The following FGD5 variants were observed in gnomAD, a reference collection of about 807,000 sequenced individuals.
FGD5 encodes the protein FYVE, RhoGEF and PH domain containing 5.
FGD5 carries 28 observed loss-of-function variants against 133.4 expected under a neutral mutation model. The ratio of observed to expected loss-of-function variants is 0.21; its 90% confidence interval spans 0.16 to 0.29. The LOEUF is 0.29. FGD5 is among the 10% of genes least tolerant of loss of function. FGD5 has a pLI of 1.00. For synonymous variants in FGD5, 810 were observed against 776.5 expected, an observed-to-expected ratio of 1.04 and a Z score of -0.72; for missense variants, 1,858 against 1,895.2, an observed-to-expected ratio of 0.98 and a Z score of 0.36.
rs1186335621 is a variant in FGD5 at position 14,843,708 on chromosome 3, GGA to G, written c.2526-20417_2526-20416del. Among the ~76,000 whole-genome samples the G allele has an allele frequency of 5.9e-3, 722 of 122,580 alleles. 10 individuals are homozygous for G. Among genetic ancestry groups the G allele is most frequent in the African/African-American group, 0.021 (651 of 30,478 alleles). 80.4% of individuals were successfully genotyped at this position (122,580 alleles called of 152,430 possible). A position where few individuals can be genotyped will look rare whatever the true frequency, so the allele number is the denominator to read the frequency against. ...GTGCTTTTTTTTTTTTTTTTTGGGGGGAGACAGAGTCTCATTCTGTCGCCCAG... is the reference window on the plus strand; with the variant it reads ...GTGCTTTTTTTTTTTTTTTTTGGGGGGACAGAGTCTCATTCTGTCGCCCAG... On this transcript the variant is annotated intron_variant, in intron 1 of 19. Coordinates refer to ENST00000285046, the MANE Select transcript of FGD5 (RefSeq NM_152536.4).
intron 19 of FGD5, 38 bp downstream of exon 19, chr3:14,932,769 C>G: frequency 1.3e-6 from 2 of 1,595,012 alleles, no homozygotes; most frequent in Non-Finnish European, 1.7e-6. Context: ...GCTTTTTGTT[C>G]TCTCAGAAGG....
At chr3:14,884,621 T>G (rs1347187159) in intron 4 of FGD5, among the ~76,000 whole-genome samples, 2 of 152,324 alleles carry the variant, frequency 1.3e-5, no homozygotes, top group East Asian at 3.9e-4. Context: ...CATGCTGTTA[T>G]GCTCACAGAC....
At chr3:14,876,141 G>A (rs1012196379) in intron 2 of FGD5, among the ~76,000 whole-genome samples, 2 of 152,164 alleles carry the variant, frequency 1.3e-5, no homozygotes, top group African/African-American at 4.8e-5. Context: ...AGGATTGTGT[G>A]GACCCTGGGC....
chr3:14,847,795 A>G (rs1424868484), intron 1 of FGD5, among the ~76,000 whole-genome samples: 2 of 152,140 alleles, frequency 1.3e-5, no homozygotes, highest in East Asian at 3.9e-4. Context: ...TGGTCAGCAG[A>G]TGAGGCGCTG....
chr3:14,917,446 G>A lies in FGD5; in HGVS notation c.3489+114G>A, dbSNP rs570325281. ...AGACCAGCTGGAAGAGGGAGGCCCT[G>A]CGGAAACAGTGTTGGGCTACAGCAA... On this transcript the variant is annotated intron_variant, in intron 12 of 19. Transcript: ENST00000285046. The surrounding 1 kb of genome is among the most constrained non-coding windows in gnomAD (Gnocchi z 4.1). 522 of 934,874 alleles carry A rather than the reference G, an allele frequency of 5.6e-4. 2 individuals are homozygous for A. The African/African-American group carries it at 6.0e-3, about 11-fold the overall frequency. The allele number at this position is 934,874 out of a possible 1,614,324, so 57.9% of individuals were successfully genotyped here.
intron 1 of FGD5, among the ~76,000 whole-genome samples, chr3:14,859,063 T>A (rs2037344569): frequency 6.6e-6 from 1 of 152,234 alleles, no homozygotes; most frequent in African/African-American, 2.4e-5. Context: ...TGCTCTTTCA[T>A]GTTGTGGAAG....
intron 8 of FGD5, 48 bp from the exon 9 acceptor site, chr3:14,900,955 G>A (rs1043313931): frequency 7.5e-6 from 12 of 1,608,620 alleles, no homozygotes; most frequent in Non-Finnish European, 1.0e-5. Flanking sequence ...GGGGAAAATT[G>A]ATGCCCCTCT....
At chr3:14,877,875 G>A (rs2037749929) in intron 2 of FGD5, among the ~76,000 whole-genome samples, 1 of 152,176 alleles carries the variant, frequency 6.6e-6, no homozygotes, top group Non-Finnish European at 1.5e-5. Flanking sequence ...GGGAGTAGAG[G>A]CTCCTATTGT....
chr3:14,815,646 T>C (rs913771818), upstream of FGD5, among the ~76,000 whole-genome samples: 2 of 152,226 alleles, frequency 1.3e-5, no homozygotes, highest in African/African-American at 4.8e-5. Flanking sequence ...TTCTGAGCCC[T>C]GGACGCAGCC....
At chr3:14,929,183 C>G (rs1011105197) in intron 18 of FGD5, among the ~76,000 whole-genome samples, 2 of 152,190 alleles carry the variant, frequency 1.3e-5, no homozygotes, top group Non-Finnish European at 2.9e-5. Flanking sequence ...TAGTTCACTT[C>G]TTTTTAAGGC....
At chr3:14,889,591 A>G (rs2037987635) in intron 4 of FGD5, among the ~76,000 whole-genome samples, 1 of 152,192 alleles carries the variant, frequency 6.6e-6, no homozygotes, top group Non-Finnish European at 1.5e-5. Context: ...CGGGATAAGC[A>G]TAGACATAGC....
chr3:14,893,875 A>G (rs1288616692), intron 4 of FGD5, among the ~76,000 whole-genome samples: 3 of 146,672 alleles, frequency 2.0e-5, no homozygotes, highest in Non-Finnish European at 4.4e-5. Context: ...CTCCTGCCTC[A>G]GCCTCTTGAG....
At chr3:14,815,426 A>G (rs1257219836), upstream of FGD5, among the ~76,000 whole-genome samples, 5 of 151,734 alleles carry the variant, frequency 3.3e-5, no homozygotes, top group South Asian at 2.1e-4. Context: ...TAATGTACTT[A>G]CCCTTTCTCT....
intron 12 of FGD5, among the ~76,000 whole-genome samples, chr3:14,918,127 G>A (rs985566952): frequency 1.8e-4 from 27 of 152,244 alleles, no homozygotes; most frequent in Admixed American, 2.6e-4. Context: ...GCTTAGCTCC[G>A]TGTAACTTGG....
rs572226960 is a variant in FGD5 at position 14,922,836 on chromosome 3, G to T, written c.3808-210G>T. ...AAAGTATCATGTAGTGGTTAAGGGC[G>T]CGGGCTCATCAGAAAAGCAGATAGG... On this transcript the variant is annotated intron_variant, in intron 15 of 19. Coordinates refer to ENST00000285046, the MANE Select transcript of FGD5 (RefSeq NM_152536.4). This position sits in a 1 kb window ranked among gnomAD's most constrained non-coding sequence, Gnocchi z 4.1. Among the ~76,000 whole-genome samples, 3 of 152,290 alleles carry T rather than the reference G, an allele frequency of 2.0e-5. No homozygotes were observed. In the South Asian group the frequency reaches 6.2e-4, roughly 32 times the overall value.
chr3:14,889,004 A>C (rs558175155), intron 4 of FGD5, among the ~76,000 whole-genome samples: 8 of 152,346 alleles, frequency 5.3e-5, no homozygotes, highest in Admixed American at 1.3e-4. Context: ...ATTTGGATGC[A>C]CACTCAAATT....
rs530984647 is a variant in FGD5 at position 14,841,368 on chromosome 3, C to T, written c.2525+19772C>T. 1.8e-4 allele frequency among the ~76,000 whole-genome samples: 28 copies of T among 152,280 alleles called. No individual in the cohort carries two copies. The South Asian group carries it at 5.6e-3, about 31-fold the overall frequency. On this transcript the variant is annotated intron_variant, in intron 1 of 19. Coordinates refer to ENST00000285046, the MANE Select transcript of FGD5 (RefSeq NM_152536.4). ...ATGAGCATTTACTATTTCTGAGCCA[C>T]CTCTGTTCAGATGAGGTTGGCATGT...
chr3:14,860,069 G>A (rs1176141353), intron 1 of FGD5, among the ~76,000 whole-genome samples: 1 of 152,206 alleles, frequency 6.6e-6, no homozygotes, highest in Non-Finnish European at 1.5e-5. Context: ...CACAGGAGGG[G>A]GTCAAGGGAG....
upstream of FGD5, among the ~76,000 whole-genome samples, chr3:14,818,313 A>C (rs1454552089): frequency 1.3e-5 from 2 of 152,198 alleles, no homozygotes; most frequent in African/African-American, 2.4e-5. Flanking sequence ...CGTGACCCCC[A>C]GCAGAAGCAC....
Sources: gnomAD v4.1 joint callset for allele counts (sites outside exome capture counted in the v4.1 genomes callset) on GRCh38, gnomAD v4.1.1 for gene constraint, Gnocchi (gnomAD v3.1) non-coding constraint, MANE v1.5 for transcripts, NCBI Gene and HGNC (gene_info 2026-07-23, HGNC 2026-07-21) for gene names.